Variants in EPHA5 observed in about 807,000 individuals in gnomAD.
EPHA5 encodes ephrin type-A receptor 5.
A neutral mutation model predicts 105.0 loss-of-function variants in EPHA5; 60 were observed. That is an observed-to-expected ratio of 0.57 (90% CI 0.46 to 0.71). The LOEUF is 0.71. Among genes scored for constraint, EPHA5 ranks in the 30% least tolerant of loss-of-function variants. The pLI, the probability that EPHA5 is intolerant of heterozygous loss-of-function variation, is 0.00. For synonymous variants in EPHA5, 513 were observed against 449.1 expected (o/e 1.14, Z -1.80); for missense variants, 1,218 against 1,274.7 (o/e 0.96, Z 0.68).
intron 1 of EPHA5, among the ~76,000 whole-genome samples, chr4:65,660,771 T>TA (rs1749490464): frequency 6.6e-6 from 1 of 151,496 alleles, no homozygotes; most frequent in East Asian, 1.9e-4. Flanking sequence ...ATGAAGTTAA[T>TA]AAAAATTAAG....
intron 7 of EPHA5, among the ~76,000 whole-genome samples, chr4:65,412,727 A>G (rs140524943): frequency 0.016 from 2,468 of 152,246 alleles, 38 homozygotes; most frequent in Non-Finnish European, 0.024. Flanking sequence ...TGTAAAAGTA[A>G]ACAGGAAATG....
chr4:65,462,482 C>G (rs1290555161), intron 5 of EPHA5, among the ~76,000 whole-genome samples: 3 of 152,076 alleles, frequency 2.0e-5, no homozygotes, highest in African/African-American at 7.2e-5. Context: ...TGACTAGATT[C>G]ATCCACAGGT....
At chr4:65,579,290 C>T (rs558420838) in intron 3 of EPHA5, among the ~76,000 whole-genome samples, 2 of 147,854 alleles carry the variant, frequency 1.4e-5, no homozygotes, top group African/African-American at 2.5e-5. Context: ...CTGAATAACT[C>T]GAAGACAGAA....
intron 5 of EPHA5, among the ~76,000 whole-genome samples, chr4:65,425,821 T>C (rs1438360652): frequency 6.6e-6 from 1 of 152,052 alleles, no homozygotes; most frequent in African/African-American, 2.4e-5. Flanking sequence ...ATATTTGGTA[T>C]TTTCCTGACC....
intron 3 of EPHA5, among the ~76,000 whole-genome samples, chr4:65,537,516 G>A (rs763400880): frequency 3.3e-5 from 5 of 151,660 alleles, no homozygotes; most frequent in African/African-American, 1.2e-4. Flanking sequence ...ACAAAACAGG[G>A]TTAAGTCAAC....
chr4:65,551,317 T>G, intron 3 of EPHA5, among the ~76,000 whole-genome samples: 1 of 151,028 alleles, frequency 6.6e-6, no homozygotes, highest in East Asian at 1.9e-4. Flanking sequence ...CAGCATATCA[T>G]TTATTATCTA....
intron 2 of EPHA5, among the ~76,000 whole-genome samples, chr4:65,635,923 A>G (rs1747083683): frequency 6.6e-6 from 1 of 152,178 alleles, no homozygotes; most frequent in Non-Finnish European, 1.5e-5. Flanking sequence ...GAGGGAGGAA[A>G]GCTTTAAGTG....
intron 3 of EPHA5, chr4:65,573,734 T>C (rs1740484646): frequency 3.1e-6 from 5 of 1,604,282 alleles, no homozygotes; most frequent in Non-Finnish European, 4.3e-6. Context: ...TTGCAACTGT[T>C]ACAAAACCAG....
intron 3 of EPHA5, among the ~76,000 whole-genome samples, chr4:65,556,547 A>G (rs1272642260): frequency 6.6e-6 from 1 of 152,192 alleles, no homozygotes; most frequent in Non-Finnish European, 1.5e-5. Context: ...ATTTGTGTTT[A>G]GTAAAACTAA....
At chr4:65,609,000 T>A (rs1296777259) in intron 2 of EPHA5, among the ~76,000 whole-genome samples, 1 of 152,208 alleles carries the variant, frequency 6.6e-6, no homozygotes, top group Non-Finnish European at 1.5e-5. Flanking sequence ...AAGACAAAAT[T>A]ATGTGCCCTT....
At chr4:65,427,448 T>C (rs756877166) in intron 5 of EPHA5, among the ~76,000 whole-genome samples, 2 of 152,168 alleles carry the variant, frequency 1.3e-5, no homozygotes, top group African/African-American at 2.4e-5. Flanking sequence ...CCCAAAGTGC[T>C]GGGATTATAG....
rs749814998 is a variant in EPHA5, at chr4:65,322,282, G to C, written c.*1832C>G. On this transcript the variant is annotated 3_prime_UTR_variant, in exon 17 of 17. Coordinates refer to ENST00000613740, the MANE Select transcript of EPHA5 (RefSeq NM_001281766.3). Reference sequence around the variant, plus strand: ...TACTTTACTGCTTAAGTAAAGGGTGGGCAGAATAGGAAGTAGTTATTTCCC... The same window carrying C: ...TACTTTACTGCTTAAGTAAAGGGTGCGCAGAATAGGAAGTAGTTATTTCCC... 3.6e-5 allele frequency: 8 copies of C among 223,196 alleles called. No individual in the cohort carries two copies. Among genetic ancestry groups the C allele is most frequent in the Non-Finnish European group, 6.3e-5 (7 of 111,820 alleles). 13.8% of individuals were successfully genotyped at this position (223,196 alleles called of 1,614,324 possible). A position where few individuals can be genotyped will look rare whatever the true frequency, so the allele number is the denominator to read the frequency against.
intron 5 of EPHA5, among the ~76,000 whole-genome samples, chr4:65,427,443 A>T (rs1724556213): frequency 6.6e-6 from 1 of 152,050 alleles, no homozygotes; most frequent in African/African-American, 2.4e-5. Context: ...GGCCACCCAA[A>T]GTGCTGGGAT....
intron 5 of EPHA5, among the ~76,000 whole-genome samples, chr4:65,450,957 G>A (rs1199676981): frequency 6.6e-6 from 1 of 152,102 alleles, no homozygotes; most frequent in African/African-American, 2.4e-5. Context: ...TCTCAAAAGG[G>A]TATTCACGCA....
chr4:65,386,070 A>G (rs556124030), intron 8 of EPHA5, among the ~76,000 whole-genome samples: 1 of 152,040 alleles, frequency 6.6e-6, no homozygotes, highest in Non-Finnish European at 1.5e-5. Flanking sequence ...ACACAAAATT[A>G]ACATTTTAAA....
At chr4:65,399,274 C>A (rs992338350) in intron 8 of EPHA5, among the ~76,000 whole-genome samples, 24 of 152,182 alleles carry the variant, frequency 1.6e-4, no homozygotes, top group Non-Finnish European at 2.9e-5. Flanking sequence ...AGCAACCCAC[C>A]CCTCCACAGC....
In EPHA5 at chr4:65,390,127, G is replaced by T. The variant is rs919549880; in HGVS notation, c.1793+14247C>A. ...CATCTTGAAAACCTCTCTGGCTGGGGAAAGACTGCCCCTCTCATGGCTAGC... is the reference window on the plus strand; with the variant it reads ...CATCTTGAAAACCTCTCTGGCTGGGTAAAGACTGCCCCTCTCATGGCTAGC... On this transcript the variant is annotated intron_variant, in intron 8 of 16. Transcript: ENST00000613740. Among the ~76,000 whole-genome samples the T allele has an allele frequency of 5.7e-4, 87 of 152,046 alleles. 2 individuals are homozygous for T. Among genetic ancestry groups the T allele is most frequent in the Middle Eastern group, 3.4e-3 (1 of 294 alleles).
chr4:65,439,251 TA>T (rs1006747705), intron 5 of EPHA5, among the ~76,000 whole-genome samples: 1 of 152,160 alleles, frequency 6.6e-6, no homozygotes, highest in Non-Finnish European at 1.5e-5. Context: ...TTCGTATATA[TA>T]AAAACTACTT....
intron 3 of EPHA5, among the ~76,000 whole-genome samples, chr4:65,536,153 A>G (rs1200305762): frequency 2.0e-5 from 3 of 151,964 alleles, no homozygotes; most frequent in Admixed American, 6.6e-5. Context: ...TAGTAACATA[A>G]TATACTTCCT....
Sources: gnomAD v4.1 joint callset for allele counts (sites outside exome capture counted in the v4.1 genomes callset) on GRCh38, gnomAD v4.1.1 for gene constraint, MANE v1.5 for transcripts, NCBI Gene and HGNC (gene_info 2026-07-23, HGNC 2026-07-21) for gene names.